ONECUT3: variants seen among roughly 807,000 people sequenced by gnomAD.
ONECUT3 encodes one cut domain family member 3.
ONECUT3 carries 11 observed loss-of-function variants against 16.8 expected under a neutral mutation model. That is an observed-to-expected ratio of 0.66 (90% CI 0.41 to 1.09). ONECUT3 has a LOEUF of 1.09. Among genes scored for constraint, ONECUT3 ranks in the 50% least tolerant of loss-of-function variants. The probability of loss-of-function intolerance (pLI) is 0.00; values close to 1 mark genes in which losing one functional copy is unlikely to be tolerated. For synonymous variants in ONECUT3, 344 were observed against 310.7 expected (o/e 1.11, Z -1.13); for missense variants, 637 against 629.9 (o/e 1.01, Z -0.12).
In ONECUT3 at chr19:1,762,226, G is replaced by C. The variant is rs1367854324; in HGVS notation, c.1192+7372G>C. On this transcript the variant is annotated intron_variant, in intron 1 of 1. Transcript: ENST00000382349. The surrounding 1 kb of genome is among the most constrained non-coding windows in gnomAD (Gnocchi z 4.4). ...TGGGGGTCCTGCGTGCCTTCCGCGC[G>C]CCCCCAGCTGCGCCCGCCAGCCCTC... Among the ~76,000 whole-genome samples the C allele has an allele frequency of 1.3e-5, 2 of 152,134 alleles. No homozygotes were observed. Among genetic ancestry groups the C allele is most frequent in the African/African-American group, 4.8e-5 (2 of 41,434 alleles).
chr19:1,763,394 A>AAAAAAAAAAAAAAAAAAAAAAT (rs2067957974), intron 1 of ONECUT3, among the ~76,000 whole-genome samples: 1 of 141,632 alleles, frequency 7.1e-6, no homozygotes, highest in African/African-American at 2.8e-5. Context: ...AAAAAAAAAA[A>AAAAAAAAAAAAAAAAAAAAAAT]AATTAGCCAG....
At chr19:1,772,363 T>C (rs986365211) in intron 1 of ONECUT3, among the ~76,000 whole-genome samples, 1 of 152,094 alleles carries the variant, frequency 6.6e-6, no homozygotes, top group Admixed American at 6.6e-5. Context: ...TCTTACTCTG[T>C]CACCCAGGCT....
chr19:1,757,931 G>GGCATCC (rs2067925522), intron 1 of ONECUT3, among the ~76,000 whole-genome samples: 1 of 152,112 alleles, frequency 6.6e-6, no homozygotes, highest in East Asian at 1.9e-4. Context: ...TTTCTACTCC[G>GGCATCC]GCATCCCCAT....
intron 1 of ONECUT3, among the ~76,000 whole-genome samples, chr19:1,761,147 G>A (rs373748667): frequency 4.0e-5 from 6 of 148,404 alleles, no homozygotes; most frequent in African/African-American, 1.5e-4. Context: ...CTGCCTCCCA[G>A]GTTCAAGTGA....
rs757100828 is a variant in ONECUT3 at position 1,780,817 on chromosome 19, C to T, written c.*5372C>T. The T allele has an allele frequency of 2.0e-5, 3 of 152,136 alleles. No individual in the cohort carries two copies. Among genetic ancestry groups the T allele is most frequent in the Admixed American group, 6.5e-5 (1 of 15,272 alleles). The allele number at this position is 152,136 out of a possible 1,614,324, so 9.4% of individuals were successfully genotyped here. A position where few individuals can be genotyped will look rare whatever the true frequency, so the allele number is the denominator to read the frequency against. On this transcript the variant is annotated 3_prime_UTR_variant, in exon 2 of 2. Transcript: ENST00000382349. Reference sequence around the variant, plus strand: ...GCTCAGCCGGGGGTGACGGAAGAGCCAGGAGGCCCTGCGGCCTTGAGTGTT... The same window carrying T: ...GCTCAGCCGGGGGTGACGGAAGAGCTAGGAGGCCCTGCGGCCTTGAGTGTT...
At position 1,775,545 on chromosome 19, in the gene ONECUT3, G is replaced by GA; in HGVS notation, c.*100_*101insA. ...CCGGCCCGGAGACCCGCCCCCAGGGGGCACCTGGAGGGGGTGCTATCCGGG... is the reference window on the plus strand; with the variant it reads ...CCGGCCCGGAGACCCGCCCCCAGGGGAGCACCTGGAGGGGGTGCTATCCGGG... On this transcript the variant is annotated 3_prime_UTR_variant, in exon 2 of 2. Transcript: ENST00000382349. 8.1e-7 allele frequency: 1 copy of GA among 1,227,872 alleles called. No homozygotes were observed. Among genetic ancestry groups the GA allele is most frequent in the South Asian group, 1.7e-5 (1 of 58,610 alleles). The allele number at this position is 1,227,872 out of a possible 1,614,324, so 76.1% of individuals were successfully genotyped here.
rs2068101575 is a variant in ONECUT3 at position 1,775,687 on chromosome 19, C to G, written c.*242C>G. The G allele has an allele frequency of 7.7e-6, 3 of 391,996 alleles. No homozygotes were observed. Among genetic ancestry groups the G allele is most frequent in the African/African-American group, 2.1e-5 (1 of 46,900 alleles). The allele number at this position is 391,996 out of a possible 1,614,324, so 24.3% of individuals were successfully genotyped here. On this transcript the variant is annotated 3_prime_UTR_variant, in exon 2 of 2. Coordinates refer to ENST00000382349, the MANE Select transcript of ONECUT3 (RefSeq NM_001080488.2). ...AGGCCAAAGGAAGCCCTCCACCCCC[C>G]CCCGGAGGGGAGGGAGTGACAGAAA...
rs892518436 is a variant in ONECUT3 at position 1,764,326 on chromosome 19, C to T, written c.1192+9472C>T. Among the ~76,000 whole-genome samples, 3 of 152,090 alleles carry T rather than the reference C, an allele frequency of 2.0e-5. No homozygotes were observed. The highest frequency in any genetic ancestry group is 2.1e-4 in the South Asian group (1 of 4,812). On this transcript the variant is annotated intron_variant, in intron 1 of 1. Coordinates refer to ENST00000382349, the MANE Select transcript of ONECUT3 (RefSeq NM_001080488.2). The surrounding 1 kb of genome is among the most constrained non-coding windows in gnomAD (Gnocchi z 5.0). ...ATGGAGCCACGAGGGAGGGACAGCC[C>T]GAGAGTCCAAGTGGAAATGCGTTTC... is the stretch of plus-strand genomic sequence containing the variant.
Position 1,766,720 on chromosome 19 carries a change from G to A in ONECUT3, c.1193-8433G>A, listed in dbSNP as rs1195395351. 6.6e-6 allele frequency among the ~76,000 whole-genome samples: 1 copy of A among 152,016 alleles called. No individual in the cohort carries two copies. On this transcript the variant is annotated intron_variant, in intron 1 of 1. Coordinates refer to ENST00000382349, the MANE Select transcript of ONECUT3 (RefSeq NM_001080488.2). This position sits in a 1 kb window ranked among gnomAD's most constrained non-coding sequence, Gnocchi z 4.0. ...ACTCAGCTACTGGCTTCCTGCTGAG[G>A]GCACTCGGGGAGCCCCACTGTCCCA...
At chr19:1,774,589 C>G (rs930000977) in intron 1 of ONECUT3, among the ~76,000 whole-genome samples, 1 of 152,154 alleles carries the variant, frequency 6.6e-6, no homozygotes. Flanking sequence ...ATTTCCCCAA[C>G]ACCCCCAGGT....
At chr19:1,761,907 C>G (rs971038047) in intron 1 of ONECUT3, among the ~76,000 whole-genome samples, 8 of 152,224 alleles carry the variant, frequency 5.3e-5, no homozygotes, top group Non-Finnish European at 2.9e-5. Context: ...GCTACCAAGT[C>G]ATGACCTCAG....
chr19:1,763,960 C>T (rs1031470944), intron 1 of ONECUT3, among the ~76,000 whole-genome samples: 2 of 152,104 alleles, frequency 1.3e-5, no homozygotes, highest in Non-Finnish European at 2.9e-5. Context: ...ACGTCCGGGG[C>T]GGATCATTTT....
At chr19:1,769,225 G>A (rs1015968681) in intron 1 of ONECUT3, among the ~76,000 whole-genome samples, 1 of 151,634 alleles carries the variant, frequency 6.6e-6, no homozygotes, top group Non-Finnish European at 1.5e-5. Context: ...AGGTGATGAA[G>A]GAGGAGGTGG....
Position 1,754,590 on chromosome 19 carries a change from G to C in ONECUT3, c.928G>C (p.Gly310Arg), listed in dbSNP as rs1015038028. 1 of 1,290,900 alleles carries C rather than the reference G, an allele frequency of 7.7e-7. No individual in the cohort carries two copies. The highest frequency in any genetic ancestry group is 1.5e-5 in the African/African-American group (1 of 64,936). 80.0% of individuals were successfully genotyped at this position (1,290,900 alleles called of 1,614,324 possible). A position where few individuals can be genotyped will look rare whatever the true frequency, so the allele number is the denominator to read the frequency against. Residue 310 changes from glycine to arginine, a missense_variant, in exon 1 of 2, where the codon GGC becomes CGC. Coordinates refer to ENST00000382349, the MANE Select transcript of ONECUT3 (RefSeq NM_001080488.2). The surrounding 1 kb of genome is among the most constrained non-coding windows in gnomAD (Gnocchi z 7.4). The stretch of plus-strand genomic sequence containing the variant: ...AGGCGGCGGCCCCGGCGGGAGCGGC[G>C]GCGGCCCCAGCGCGGGCGCAGCGGC... ...GGGGGPGGSG[G>R]GPSAGAAAEE...
Position 1,762,618 on chromosome 19 carries a change from G to T in ONECUT3, c.1192+7764G>T, listed in dbSNP as rs1037545471. 1.3e-5 allele frequency among the ~76,000 whole-genome samples: 2 copies of T among 152,236 alleles called. No individual in the cohort carries two copies. Among genetic ancestry groups the T allele is most frequent in the Non-Finnish European group, 2.9e-5 (2 of 68,034 alleles). On this transcript the variant is annotated intron_variant, in intron 1 of 1. Transcript: ENST00000382349. The surrounding 1 kb of genome is among the most constrained non-coding windows in gnomAD (Gnocchi z 4.4). Reference sequence around the variant, plus strand: ...CCCAACAGCCTGACAGGACCTGGACGCACGTGCCCCGGCGCCAGGAGACCC... The same window carrying T: ...CCCAACAGCCTGACAGGACCTGGACTCACGTGCCCCGGCGCCAGGAGACCC...
In ONECUT3 at chr19:1,778,376, T is replaced by C. The variant is rs781021322; in HGVS notation, c.*2931T>C. ...GCCTCGGCCTCCAAAAGTGCTAGGATTACAGGTAGATAGACATTTAGTGGA... is the reference window on the plus strand; with the variant it reads ...GCCTCGGCCTCCAAAAGTGCTAGGACTACAGGTAGATAGACATTTAGTGGA... On this transcript the variant is annotated 3_prime_UTR_variant, in exon 2 of 2. Transcript: ENST00000382349. 2.0e-5 allele frequency: 3 copies of C among 152,074 alleles called. No homozygotes were observed. The highest frequency in any genetic ancestry group is 2.9e-5 in the Non-Finnish European group (2 of 68,042). The allele number at this position is 152,074 out of a possible 1,614,324, so 9.4% of individuals were successfully genotyped here. A position where few individuals can be genotyped will look rare whatever the true frequency, so the allele number is the denominator to read the frequency against.
Position 1,755,579 on chromosome 19 carries a change from C to A in ONECUT3, c.1192+725C>A, listed in dbSNP as rs2067912484. On this transcript the variant is annotated intron_variant, in intron 1 of 1. Coordinates refer to ENST00000382349, the MANE Select transcript of ONECUT3 (RefSeq NM_001080488.2). This position sits in a 1 kb window ranked among gnomAD's most constrained non-coding sequence, Gnocchi z 7.5. ...CGGCGCCCGCCCCGCGCAGTTTGGT[C>A]GTGGCTCGGGTGCGCGCGCCCCTGC... Among the ~76,000 whole-genome samples the A allele has an allele frequency of 1.3e-5, 2 of 151,760 alleles. No individual in the cohort carries two copies. The highest frequency in any genetic ancestry group is 4.2e-4 in the South Asian group (2 of 4,806).
In ONECUT3 at chr19:1,764,692, G is replaced by A. The variant is rs1186035758; in HGVS notation, c.1192+9838G>A. On this transcript the variant is annotated intron_variant, in intron 1 of 1. Transcript: ENST00000382349. The surrounding 1 kb of genome is among the most constrained non-coding windows in gnomAD (Gnocchi z 5.0). ...AATCAATTTTCCAGCTCCCCGAGGG[G>A]TGCAGGGTGTAGACAGAGGGTGTAG... Among the ~76,000 whole-genome samples the A allele has an allele frequency of 2.0e-5, 3 of 152,084 alleles. No homozygotes were observed. The highest frequency in any genetic ancestry group is 4.4e-5 in the Non-Finnish European group (3 of 68,014).
intron 1 of ONECUT3, among the ~76,000 whole-genome samples, chr19:1,774,771 G>C (rs543243711): frequency 1.3e-5 from 2 of 152,016 alleles, no homozygotes; most frequent in African/African-American, 4.8e-5. Flanking sequence ...CTGCAGAGGG[G>C]CACTCACACT....
Sources: gnomAD v4.1 joint callset for allele counts (sites outside exome capture counted in the v4.1 genomes callset) on GRCh38, gnomAD v4.1.1 for gene constraint, Gnocchi (gnomAD v3.1) non-coding constraint, MANE v1.5 for transcripts, NCBI Gene and HGNC (gene_info 2026-07-23, HGNC 2026-07-21) for gene names.